TENM3: variants seen among roughly 807,000 people sequenced by gnomAD.
The protein encoded by TENM3 is teneurin-3.
A neutral mutation model predicts 255.1 loss-of-function variants in TENM3; 63 were observed. That is an observed-to-expected ratio of 0.25 (90% CI 0.20 to 0.30). The LOEUF (loss-of-function observed/expected upper bound fraction) is 0.30. TENM3 is among the 10% of genes least tolerant of loss of function. TENM3 has a pLI of 1.00. For synonymous variants in TENM3, 1,306 were observed against 1,322.3 expected, an observed-to-expected ratio of 0.99 and a Z score of 0.27; for missense variants, 2,929 against 3,461.1, an observed-to-expected ratio of 0.85 and a Z score of 3.86.
At chr4:182,700,636 A>G (rs573429162) in intron 12 of TENM3, among the ~76,000 whole-genome samples, 33 of 152,194 alleles carry the variant, frequency 2.2e-4, no homozygotes, top group Non-Finnish European at 4.4e-4. Flanking sequence ...CTGGGATTTA[A>G]CAGGCATGTA....
At chr4:181,518,398 C>T in the TENM3 span, among the ~76,000 whole-genome samples, 1 of 151,624 alleles carries the variant, frequency 6.6e-6, no homozygotes, top group South Asian at 2.1e-4. Flanking sequence ...TTCGATAGGA[C>T]TTGTTTTTTG....
chr4:181,808,982 G>T, the TENM3 span, among the ~76,000 whole-genome samples: 1 of 152,174 alleles, frequency 6.6e-6, no homozygotes. Context: ...TTTGCAAGCG[G>T]GGGTACAAAA....
chr4:181,522,178 T>C, the TENM3 span, among the ~76,000 whole-genome samples: 3 of 149,282 alleles, frequency 2.0e-5, no homozygotes, highest in African/African-American at 7.4e-5. Context: ...GGGTGCTATG[T>C]ATAGAGCAGA....
chr4:182,286,640 A>T (rs1471039240), intron 1 of TENM3, among the ~76,000 whole-genome samples: 1 of 152,104 alleles, frequency 6.6e-6, no homozygotes, highest in African/African-American at 2.4e-5. Context: ...AATTGTTGAC[A>T]CTTCTCAGAA....
chr4:182,664,758 A>T (rs1002447117), intron 6 of TENM3, among the ~76,000 whole-genome samples: 26 of 152,206 alleles, frequency 1.7e-4, no homozygotes, highest in Admixed American at 1.6e-3. Context: ...GCCTGGATAG[A>T]CGATCAAACC....
At chr4:181,939,018 G>A in the TENM3 span, among the ~76,000 whole-genome samples, 7 of 151,930 alleles carry the variant, frequency 4.6e-5, no homozygotes, top group African/African-American at 1.7e-4. Flanking sequence ...TTTAGAACAT[G>A]CTATAAAGAC....
intron 1 of TENM3, among the ~76,000 whole-genome samples, chr4:182,262,566 C>A (rs1037071871): frequency 5.9e-5 from 9 of 152,128 alleles, no homozygotes; most frequent in Non-Finnish European, 1.2e-4. Context: ...ATGGCAACGT[C>A]AGGAAGTTAT....
At chr4:181,850,038 C>T in the TENM3 span, among the ~76,000 whole-genome samples, 1 of 151,294 alleles carries the variant, frequency 6.6e-6, no homozygotes, top group East Asian at 2.0e-4. Flanking sequence ...AATTTAAATC[C>T]TCTTTCTCCC....
chr4:182,799,815 A>C lies in TENM3; in HGVS notation c.7564A>C (p.Ile2522Leu), dbSNP rs768072992. ...NVLNIANEDC[I>L]KVAAVLNNAF... ...GCTCAACATCGCCAACGAGGACTGCATCAAGGTGGCGGCCGTGCTCAACAA... is the reference window on the plus strand; with the variant it reads ...GCTCAACATCGCCAACGAGGACTGCCTCAAGGTGGCGGCCGTGCTCAACAA... The change falls in exon 28 of 28, where the codon ATC (isoleucine) becomes CTC (leucine). Residue 2522 changes from isoleucine (I) to leucine (L), a missense_variant. Coordinates refer to ENST00000511685, the MANE Select transcript of TENM3 (RefSeq NM_001080477.4). This position sits in a 1 kb window ranked among gnomAD's most constrained non-coding sequence, Gnocchi z 4.2. 1.7e-5 allele frequency: 28 copies of C among 1,609,194 alleles called. No individual in the cohort carries two copies. Among genetic ancestry groups the C allele is most frequent in the Non-Finnish European group, 2.2e-5 (26 of 1,178,114 alleles).
chr4:181,885,999 A>T, the TENM3 span, among the ~76,000 whole-genome samples: 1 of 149,898 alleles, frequency 6.7e-6, no homozygotes, highest in Non-Finnish European at 1.5e-5. Flanking sequence ...CTGGAAAAAG[A>T]TCTGGCAGCA....
intron 3 of TENM3, among the ~76,000 whole-genome samples, chr4:182,386,638 CG>C (rs199556855): frequency 0.1 from 15,268 of 151,616 alleles, 1,185 homozygotes; most frequent in East Asian, 0.24. Context: ...GTGGGCTTGG[CG>C]GGCCCCGCAC....
the TENM3 span, among the ~76,000 whole-genome samples, chr4:181,992,678 C>T: frequency 2.6e-5 from 4 of 151,882 alleles, no homozygotes; most frequent in Admixed American, 2.6e-4. Flanking sequence ...TATTTTGATC[C>T]GTGACAAATG....
chr4:181,586,697 A>G, the TENM3 span, among the ~76,000 whole-genome samples: 1 of 152,064 alleles, frequency 6.6e-6, no homozygotes, highest in African/African-American at 2.4e-5. Context: ...GAAATTAGCC[A>G]GGCGTGGTGG....
At chr4:182,175,558 C>T (rs907091043) in intron 1 of TENM3, among the ~76,000 whole-genome samples, 2 of 152,078 alleles carry the variant, frequency 1.3e-5, no homozygotes, top group Non-Finnish European at 2.9e-5. Context: ...AGGCGACCCT[C>T]CTGCTTTTTC....
At chr4:182,002,219 C>T in the TENM3 span, among the ~76,000 whole-genome samples, 2 of 152,030 alleles carry the variant, frequency 1.3e-5, no homozygotes, top group African/African-American at 4.8e-5. Context: ...AGACAGAAAG[C>T]ATGTTTACTT....
At chr4:181,786,824 C>T in the TENM3 span, among the ~76,000 whole-genome samples, 2 of 151,886 alleles carry the variant, frequency 1.3e-5, no homozygotes, top group African/African-American at 2.4e-5. Flanking sequence ...GAAGGTTCTG[C>T]GGCCTCTCAG....
intron 3 of TENM3, among the ~76,000 whole-genome samples, chr4:182,519,991 A>C (rs1738398546): frequency 6.6e-6 from 1 of 152,100 alleles, no homozygotes. Context: ...TTTATTGAAG[A>C]GGTATAGGTG....
At chr4:182,655,764 T>C (rs1384388103) in intron 6 of TENM3, among the ~76,000 whole-genome samples, 1 of 152,168 alleles carries the variant, frequency 6.6e-6, no homozygotes, top group Non-Finnish European at 1.5e-5. Context: ...TTGAAAACAG[T>C]GGCTTTTAAG....
the TENM3 span, among the ~76,000 whole-genome samples, chr4:181,745,497 T>A: frequency 3.9e-5 from 6 of 152,128 alleles, no homozygotes; most frequent in Non-Finnish European, 7.4e-5. Context: ...TAAGGGAAAG[T>A]GGATGATGCA....
Sources: allele counts gnomAD v4.1 joint callset (sites outside exome capture counted in the v4.1 genomes callset), GRCh38; gene constraint gnomAD v4.1.1; non-coding constraint Gnocchi (gnomAD v3.1); transcripts MANE v1.5; gene names NCBI Gene and HGNC (gene_info 2026-07-23, HGNC 2026-07-21).